The following DPYS variants were observed in gnomAD, a reference collection of about 807,000 sequenced individuals.
The protein encoded by DPYS is dihydropyrimidinase.
In DPYS, 39 loss-of-function variants were observed where a neutral mutation model predicts 50.3. That is an observed-to-expected ratio of 0.78 (90% CI 0.60 to 1.01). The LOEUF (loss-of-function observed/expected upper bound fraction) is 1.01. Ranked by LOEUF, DPYS falls within the 50% of genes least tolerant of loss-of-function variation. DPYS has a pLI of 0.00. For synonymous variants in DPYS, 245 were observed against 250.7 expected (o/e 0.98, Z 0.22); for missense variants, 659 against 680.9 (o/e 0.97, Z 0.36).
At chr8:104,428,703 G>A (rs774033711) in intron 5 of DPYS, among the ~76,000 whole-genome samples, 1 of 152,220 alleles carries the variant, frequency 6.6e-6, no homozygotes, top group African/African-American at 2.4e-5. Flanking sequence ...TCATGAAGGA[G>A]GAAGGAAGCT....
intron 4 of DPYS, among the ~76,000 whole-genome samples, chr8:104,434,921 A>G (rs1813083371): frequency 1.3e-5 from 2 of 152,256 alleles, no homozygotes; most frequent in African/African-American, 4.8e-5. Flanking sequence ...ACAGCAAAGC[A>G]GTGCATTGAC....
chr8:104,406,251 C>T (rs1811992303), intron 7 of DPYS, among the ~76,000 whole-genome samples: 1 of 152,188 alleles, frequency 6.6e-6, no homozygotes, highest in South Asian at 2.1e-4. Context: ...TCTGTCCTTT[C>T]CAGATGTGTG....
At chr8:104,447,291 T>C (rs763788510) in intron 3 of DPYS, 33 bp downstream of exon 3, 4 of 1,613,362 alleles carry the variant, frequency 2.5e-6, no homozygotes, top group Non-Finnish European at 3.4e-6. Context: ...GCTGCTGTCA[T>C]TTCTGTAGAA....
intron 8 of DPYS, among the ~76,000 whole-genome samples, chr8:104,382,184 C>G (rs931119921): frequency 6.6e-6 from 1 of 152,104 alleles, no homozygotes; most frequent in Admixed American, 6.5e-5. Flanking sequence ...GAGAGTACAC[C>G]AAACACCGAG....
At position 104,466,780 on chromosome 8, in the gene DPYS, C is replaced by T; in HGVS notation, c.141G>A (p.Ala47=). Residue 47 remains alanine (A), a synonymous_variant, in exon 1 of 10, where the codon GCG becomes GCA. Transcript: ENST00000351513. ...CGGCGGCGTCGAGGACCCGCAGCCC[C>T]GCAGGAGCGCCCCCGGGAGGCAGCA... The part of the protein sequence containing the change: ...HDLLPPGGAP[A]GLRVLDAAGK... 1 of 1,534,204 alleles carries T rather than the reference C, an allele frequency of 6.5e-7. No homozygotes were observed. The highest frequency in any genetic ancestry group is 8.7e-7 in the Non-Finnish European group (1 of 1,145,802).
At chr8:104,444,939 A>T (rs1813478923) in intron 3 of DPYS, among the ~76,000 whole-genome samples, 1 of 152,380 alleles carries the variant, frequency 6.6e-6, no homozygotes, top group Middle Eastern at 3.4e-3. Flanking sequence ...AATCTGATTT[A>T]AAAATGGGCA....
At chr8:104,407,042 T>C (rs1812018768) in intron 7 of DPYS, among the ~76,000 whole-genome samples, 1 of 152,262 alleles carries the variant, frequency 6.6e-6, no homozygotes, top group African/African-American at 2.4e-5. Flanking sequence ...CTATTATGAA[T>C]ACGATGCTAA....
chr8:104,457,057 T>C (rs1588461839), intron 1 of DPYS, among the ~76,000 whole-genome samples: 1 of 152,346 alleles, frequency 6.6e-6, no homozygotes, highest in East Asian at 1.9e-4. Flanking sequence ...TGTTTTTTCC[T>C]ATATGTACAT....
chr8:104,399,600 T>C (rs11988300), intron 7 of DPYS, among the ~76,000 whole-genome samples: 5 of 151,780 alleles, frequency 3.3e-5, no homozygotes, highest in African/African-American at 1.2e-4. Flanking sequence ...CTGCGTGCGG[T>C]TGCTCACGCC....
intron 3 of DPYS, among the ~76,000 whole-genome samples, chr8:104,446,450 T>C: frequency 6.6e-6 from 1 of 152,222 alleles, no homozygotes. Context: ...TCCTCTTCAC[T>C]TGCTCCCCAA....
At chr8:104,401,109 C>A (rs1384636463) in intron 7 of DPYS, among the ~76,000 whole-genome samples, 1 of 152,024 alleles carries the variant, frequency 6.6e-6, no homozygotes, top group Non-Finnish European at 1.5e-5. Flanking sequence ...GGCACTTTGG[C>A]CTTGGAACAG....
chr8:104,447,601 A>C (rs571861142), intron 2 of DPYS, 98 bp from the exon 3 acceptor site: 1 of 1,299,142 alleles, frequency 7.7e-7, no homozygotes, highest in South Asian at 1.2e-5. Flanking sequence ...AGAACTAAGT[A>C]AAATAAGGAA....
At chr8:104,379,964 G>A (rs1265753707) in intron 9 of DPYS, 121 bp from the exon 10 acceptor site, 1 of 363,492 alleles carries the variant, frequency 2.8e-6, no homozygotes, top group South Asian at 2.1e-5. Flanking sequence ...TCCTATAAAT[G>A]TCATTAATAG....
intron 7 of DPYS, among the ~76,000 whole-genome samples, chr8:104,423,737 C>T (rs1013550001): frequency 1.4e-4 from 22 of 152,016 alleles, no homozygotes; most frequent in African/African-American, 5.3e-4. Context: ...GCAATATTAA[C>T]ATAGAATTAT....
chr8:104,403,593 G>T (rs186776629), intron 7 of DPYS, among the ~76,000 whole-genome samples: 1 of 152,332 alleles, frequency 6.6e-6, no homozygotes, highest in Admixed American at 6.5e-5. Flanking sequence ...TAACAGAAAT[G>T]TCTGGGGGAC....
chr8:104,453,672 C>G (rs1813831402), intron 1 of DPYS, among the ~76,000 whole-genome samples: 1 of 152,316 alleles, frequency 6.6e-6, no homozygotes, highest in Non-Finnish European at 1.5e-5. Flanking sequence ...TACCACAAGA[C>G]CAAGCAATTC....
intron 7 of DPYS, among the ~76,000 whole-genome samples, chr8:104,401,993 C>G (rs1472481574): frequency 2.0e-5 from 3 of 152,162 alleles, no homozygotes; most frequent in Non-Finnish European, 4.4e-5. Context: ...TACCGGTGCT[C>G]AGTAGATGAC....
rs201697612 is a variant in DPYS at position 104,444,264 on chromosome 8, C to T, written c.777G>A (p.Ala259=). ...GAGAATTACCATCTCTCCTTGCATC[C>T]GCTATCACCTTAGCTGCAGACTTGC... The part of the protein sequence containing the change: ...VMSKSAAKVI[A]DARRDGKVVY... The change falls in exon 4 of 10, where the codon GCG becomes GCA. Residue 259 remains alanine, a synonymous_variant. Coordinates refer to ENST00000351513, the MANE Select transcript of DPYS (RefSeq NM_001385.3). 65 of 1,614,072 alleles carry T rather than the reference C, an allele frequency of 4.0e-5. No homozygotes were observed. Among genetic ancestry groups the T allele is most frequent in the Middle Eastern group, 1.6e-4 (1 of 6,084 alleles).
intron 7 of DPYS, among the ~76,000 whole-genome samples, chr8:104,412,611 G>T (rs186105754): frequency 2.0e-4 from 31 of 152,258 alleles, no homozygotes; most frequent in Non-Finnish European, 4.0e-4. Context: ...TCATATTCCA[G>T]CTCCAGGCCC....
Sources: allele counts gnomAD v4.1 joint callset (sites outside exome capture counted in the v4.1 genomes callset), GRCh38; gene constraint gnomAD v4.1.1; transcripts MANE v1.5; gene names NCBI Gene and HGNC (gene_info 2026-07-23, HGNC 2026-07-21).